Variants in CREM observed in about 807,000 individuals in gnomAD.
CREM encodes cAMP responsive element modulator, also known as cAMP-responsive element modulator.
CREM carries 13 observed loss-of-function variants against 37.3 expected under a neutral mutation model. The observed-to-expected ratio is 0.35, with a 90% CI of 0.23 to 0.55. CREM has a LOEUF of 0.55. Among genes scored for constraint, CREM ranks in the 20% least tolerant of loss-of-function variants. The pLI, the probability that CREM is intolerant of heterozygous loss-of-function variation, is 0.88. For missense variants in CREM, 296 were observed against 362.3 expected (o/e 0.82, Z 1.49); for synonymous variants, 124 against 120.2 (o/e 1.03, Z -0.21).
intron 2 of CREM, among the ~76,000 whole-genome samples, chr10:35,138,989 C>G (rs2091050843): frequency 6.6e-6 from 1 of 151,828 alleles, no homozygotes. Context: ...ATATTCAAAA[C>G]AGGTTGGGAT....
At chr10:35,139,984 C>T (rs2135702789) in intron 2 of CREM, among the ~76,000 whole-genome samples, 1 of 152,266 alleles carries the variant, frequency 6.6e-6, no homozygotes, top group South Asian at 2.1e-4. Flanking sequence ...ATCTTCTGCA[C>T]TGAGTCCTGT....
intron 2 of CREM, among the ~76,000 whole-genome samples, chr10:35,147,057 T>G (rs1291789011): frequency 5.5e-5 from 8 of 145,824 alleles, no homozygotes; most frequent in Non-Finnish European, 1.1e-4. Flanking sequence ...TTTTTTTTTT[T>G]TTTTTTTTTT....
At chr10:35,198,627 A>C (rs986360462) in intron 6 of CREM, among the ~76,000 whole-genome samples, 1 of 152,090 alleles carries the variant, frequency 6.6e-6, no homozygotes, top group African/African-American at 2.4e-5. Context: ...TTTATTCATA[A>C]ACTGATTCTG....
chr10:35,204,862 A>G (rs2095483034), intron 6 of CREM, among the ~76,000 whole-genome samples: 1 of 152,186 alleles, frequency 6.6e-6, no homozygotes, highest in Non-Finnish European at 1.5e-5. Context: ...ACAAAGTTTC[A>G]GTGATAATAT....
intron 3 of CREM, chr10:35,152,184 G>C (rs1285199216): frequency 1.3e-5 from 2 of 152,226 alleles, no homozygotes; most frequent in African/African-American, 4.8e-5. Context: ...TAAACAGTGT[G>C]GGAACAAAAG....
chr10:35,148,131 A>G (rs540365401), intron 2 of CREM, among the ~76,000 whole-genome samples: 89 of 152,348 alleles, frequency 5.8e-4, no homozygotes, highest in Non-Finnish European at 1.1e-3. Flanking sequence ...TACACCTTAT[A>G]GTCTAAAGGT....
At chr10:35,197,568 T>G (rs1401493781) in intron 6 of CREM, among the ~76,000 whole-genome samples, 1 of 152,052 alleles carries the variant, frequency 6.6e-6, no homozygotes, top group Non-Finnish European at 1.5e-5. Flanking sequence ...TTCTCCTGCC[T>G]CAGCCTCCCG....
chr10:35,209,538 A>G (rs1406580505), intron 7 of CREM: 1 of 164,230 alleles, frequency 6.1e-6, no homozygotes, highest in Non-Finnish European at 1.3e-5. Flanking sequence ...ACACACACAC[A>G]TGCACACTCA....
At chr10:35,190,176 AAT>A (rs2094849075) in intron 6 of CREM, among the ~76,000 whole-genome samples, 1 of 152,212 alleles carries the variant, frequency 6.6e-6, no homozygotes, top group African/African-American at 2.4e-5. Flanking sequence ...TGTTTTACAC[AAT>A]ATGCACGTAA....
intron 5 of CREM, among the ~76,000 whole-genome samples, chr10:35,187,048 ATAAT>A (rs2094611734): frequency 1.4e-5 from 1 of 69,756 alleles, no homozygotes; most frequent in Non-Finnish European, 2.5e-5. Context: ...TATATTATAT[ATAAT>A]TAATATATAT....
At chr10:35,211,028 A>G (rs2095654001) in intron 7 of CREM, among the ~76,000 whole-genome samples, 1 of 152,216 alleles carries the variant, frequency 6.6e-6, no homozygotes, top group Non-Finnish European at 1.5e-5. Flanking sequence ...CCCTAAGAAA[A>G]CACCATTTGT....
intron 1 of CREM, among the ~76,000 whole-genome samples, chr10:35,132,331 C>T (rs1390227445): frequency 6.6e-6 from 1 of 152,038 alleles, no homozygotes; most frequent in Non-Finnish European, 1.5e-5. Context: ...CCTCAGCAGC[C>T]CATTCTGTAG....
intron 3 of CREM, among the ~76,000 whole-genome samples, chr10:35,169,516 A>C (rs2093701335): frequency 6.6e-6 from 1 of 152,144 alleles, no homozygotes; most frequent in Admixed American, 6.5e-5. Flanking sequence ...GGGTTTTCTA[A>C]ATATACAATC....
chr10:35,176,077 T>G, intron 3 of CREM: 1 of 1,489,566 alleles, frequency 6.7e-7, no homozygotes, highest in Non-Finnish European at 8.9e-7. Context: ...TCATTTATCA[T>G]TTTTCTTTAT....
In CREM at chr10:35,196,963, A is replaced by G. The variant is rs998741286; in HGVS notation, c.598+8575A>G. Among the ~76,000 whole-genome samples the G allele has an allele frequency of 1.7e-4, 23 of 134,904 alleles. No homozygotes were observed. In the East Asian group the frequency reaches 4.6e-3, roughly 27 times the overall value. The allele number at this position is 134,904 out of a possible 152,430, so 88.5% of individuals were successfully genotyped here. ...TGGCTCACTGCAAGCTCCGCCTCCC[A>G]GGTTCACGCCATTCTCCTGCCTCAG... is the stretch of plus-strand genomic sequence containing the variant. On this transcript the variant is annotated intron_variant, in intron 6 of 7. Coordinates refer to ENST00000685392, the MANE Select transcript of CREM (RefSeq NM_183011.2).
intron 2 of CREM, among the ~76,000 whole-genome samples, chr10:35,139,359 A>G (rs1437988958): frequency 6.6e-6 from 1 of 152,164 alleles, no homozygotes; most frequent in African/African-American, 2.4e-5. Flanking sequence ...ACCTCAGGTG[A>G]TCCACCTGCC....
intron 3 of CREM, among the ~76,000 whole-genome samples, chr10:35,162,749 T>A (rs2093358475): frequency 2.6e-5 from 4 of 152,100 alleles, no homozygotes; most frequent in Admixed American, 2.6e-4. Flanking sequence ...AGCCTGGACT[T>A]CTCAGAGGCC....
At chr10:35,188,413 T>G in intron 6 of CREM, 25 bp downstream of exon 6, 1 of 1,577,288 alleles carries the variant, frequency 6.3e-7, no homozygotes, top group Non-Finnish European at 8.6e-7. Context: ...TCTAATACAT[T>G]TAGAATACCT....
At chr10:35,186,871 A>G (rs1232208552) in intron 5 of CREM, among the ~76,000 whole-genome samples, 2 of 107,616 alleles carry the variant, frequency 1.9e-5, no homozygotes, top group Non-Finnish European at 3.4e-5. Context: ...ATAATTATAT[A>G]TTATATATAA....
Sources: gnomAD v4.1 joint callset for allele counts (sites outside exome capture counted in the v4.1 genomes callset) on GRCh38, gnomAD v4.1.1 for gene constraint, MANE v1.5 for transcripts, NCBI Gene and HGNC (gene_info 2026-07-23, HGNC 2026-07-21) for gene names.